The following CLCN6 variants were observed in gnomAD, a reference collection of about 807,000 sequenced individuals.
The protein encoded by CLCN6 is H(+)/Cl(-) exchange transporter 6.
In CLCN6, 70 loss-of-function variants were observed where a neutral mutation model predicts 109.8. The observed-to-expected ratio is 0.64, with a 90% confidence interval of 0.53 to 0.78. The LOEUF is 0.78. CLCN6 is among the 30% of genes least tolerant of loss of function. The pLI, the probability that CLCN6 is intolerant of heterozygous loss-of-function variation, is 0.00. For missense variants in CLCN6, 984 were observed against 1,142.3 expected (o/e 0.86, Z 2.00); for synonymous variants, 444 against 447.8 (o/e 0.99, Z 0.11).
At chr1:11,835,659 G>C (rs1644934782) in intron 17 of CLCN6, among the ~76,000 whole-genome samples, 1 of 152,228 alleles carries the variant, frequency 6.6e-6, no homozygotes, top group African/African-American at 2.4e-5. Flanking sequence ...GGGCACCGAG[G>C]AGGGCGTGGC....
chr1:11,806,357 G>A lies in CLCN6; in HGVS notation c.87+8G>A, dbSNP rs924947918. On this transcript the variant is annotated splice_region_variant and intron_variant, in intron 1 of 22. Coordinates refer to ENST00000346436, the MANE Select transcript of CLCN6 (RefSeq NM_001286.5). ...CGCACCCCCGAGGAGCTGGTAAGAAGCCGGCGGAGTCGGCCTGGGGAGGGG... is the reference window on the plus strand; with the variant it reads ...CGCACCCCCGAGGAGCTGGTAAGAAACCGGCGGAGTCGGCCTGGGGAGGGG... 13 of 1,512,884 alleles carry A rather than the reference G, an allele frequency of 8.6e-6. No individual in the cohort carries two copies. The highest frequency in any genetic ancestry group is 1.5e-5 in the African/African-American group (1 of 68,160). The allele number at this position is 1,512,884 out of a possible 1,614,324, so 93.7% of individuals were successfully genotyped here.
rs1215462944 is a variant in CLCN6 at position 11,823,490 on chromosome 1, G to A, written c.454-217G>A. On this transcript the variant is annotated intron_variant, in intron 6 of 22. Transcript: ENST00000346436. Reference sequence around the variant, plus strand: ...GAAACTCTACCTCAAAAAAAAAAAAGAAAAAAAAGTGCAAGTCCTCCCATT... The same window carrying A: ...GAAACTCTACCTCAAAAAAAAAAAAAAAAAAAAAGTGCAAGTCCTCCCATT... Among the ~76,000 whole-genome samples, 69 of 144,598 alleles carry A rather than the reference G, an allele frequency of 4.8e-4. 3 individuals carry two copies. The highest frequency in any genetic ancestry group is 1.2e-3 in the African/African-American group (46 of 38,310). 94.9% of individuals were successfully genotyped at this position (144,598 alleles called of 152,430 possible). A position where few individuals can be genotyped will look rare whatever the true frequency, so the allele number is the denominator to read the frequency against.
rs1263588021 is a variant in CLCN6, at chr1:11,841,979, T to C, written c.*1756T>C. On this transcript the variant is annotated 3_prime_UTR_variant, in exon 23 of 23. Coordinates refer to ENST00000346436, the MANE Select transcript of CLCN6 (RefSeq NM_001286.5). ...ACAAGGACCAAAAAGGCAATTCTTATTTAAATGTTACTATTTGGCCAGCTG... is the reference window on the plus strand; with the variant it reads ...ACAAGGACCAAAAAGGCAATTCTTACTTAAATGTTACTATTTGGCCAGCTG... 2.0e-5 allele frequency: 3 copies of C among 152,382 alleles called. No individual in the cohort carries two copies. Among genetic ancestry groups the C allele is most frequent in the South Asian group, 2.1e-4 (1 of 4,830 alleles). The allele number at this position is 152,382 out of a possible 1,614,324, so 9.4% of individuals were successfully genotyped here.
At position 11,829,520 on chromosome 1, in the gene CLCN6, C is replaced by T. The variant is rs547544215; in HGVS notation, c.1248+198C>T. Among the ~76,000 whole-genome samples, 32 of 152,282 alleles carry T rather than the reference C, an allele frequency of 2.1e-4. No individual in the cohort carries two copies. In the South Asian group the frequency reaches 6.2e-3, roughly 30 times the overall value. On this transcript the variant is annotated intron_variant, in intron 13 of 22. Transcript: ENST00000346436. The stretch of plus-strand genomic sequence containing the variant: ...GCACACCACATGCCCTGTGTCTTTG[C>T]CACTTCTGTGAACAACCCTGGCGTC...
chr1:11,835,631 T>G (rs893586693), intron 17 of CLCN6, among the ~76,000 whole-genome samples: 7 of 152,018 alleles, frequency 4.6e-5, no homozygotes, highest in African/African-American at 1.7e-4. Flanking sequence ...TCAGGGGTAG[T>G]ATGTGGAGCG....
chr1:11,838,865 C>A, intron 22 of CLCN6: 2 of 762,700 alleles, frequency 2.6e-6, no homozygotes, highest in Non-Finnish European at 2.4e-6. Flanking sequence ...CAGCGTCCCA[C>A]TGGCCGTCCT....
chr1:11,829,528 G>A (rs903260391), intron 13 of CLCN6, among the ~76,000 whole-genome samples: 9 of 152,130 alleles, frequency 5.9e-5, no homozygotes, highest in Non-Finnish European at 1.2e-4. Flanking sequence ...TGCCACTTCT[G>A]TGAACAACCC....
intron 8 of CLCN6, among the ~76,000 whole-genome samples, chr1:11,824,829 A>G (rs937238526): frequency 6.6e-6 from 1 of 152,150 alleles, no homozygotes; most frequent in African/African-American, 2.4e-5. Context: ...AGCCATCACC[A>G]GGCGCCTCTA....
rs1303812021 is a variant in CLCN6, at chr1:11,842,738, T to G, written c.*2515T>G. On this transcript the variant is annotated 3_prime_UTR_variant, in exon 23 of 23. Coordinates refer to ENST00000346436, the MANE Select transcript of CLCN6 (RefSeq NM_001286.5). The stretch of plus-strand genomic sequence containing the variant: ...GGCTTTGGGACCTTGTGCTGAGGGA[T>G]GATTTGCTCCTGACCTTGATTAACT... The G allele has an allele frequency of 6.6e-6, 1 of 152,284 alleles. No homozygotes were observed. The highest frequency in any genetic ancestry group is 1.5e-5 in the Non-Finnish European group (1 of 68,060). The allele number at this position is 152,284 out of a possible 1,614,324, so 9.4% of individuals were successfully genotyped here.
intron 2 of CLCN6, among the ~76,000 whole-genome samples, chr1:11,812,086 G>A (rs1644605831): frequency 6.6e-6 from 1 of 151,918 alleles, no homozygotes; most frequent in African/African-American, 2.4e-5. Context: ...TGCACTCCAT[G>A]CTGGGTGACA....
Position 11,828,352 on chromosome 1 carries a change from C to T in CLCN6, c.955-106C>T, listed in dbSNP as rs1478331870. On this transcript the variant is annotated intron_variant, in intron 11 of 22. Coordinates refer to ENST00000346436, the MANE Select transcript of CLCN6 (RefSeq NM_001286.5). ...ACACATCTCACCCATTAGCCTCTGCCGTGCGGGAAAGCAGCCCCACTCTTG... is the reference window on the plus strand; with the variant it reads ...ACACATCTCACCCATTAGCCTCTGCTGTGCGGGAAAGCAGCCCCACTCTTG... 8.1e-6 allele frequency: 12 copies of T among 1,476,114 alleles called. No individual in the cohort carries two copies. The African/African-American group carries it at 9.7e-5, about 12-fold the overall frequency. The allele number at this position is 1,476,114 out of a possible 1,614,324, so 91.4% of individuals were successfully genotyped here.
chr1:11,839,328 C>G (rs1298304862), intron 22 of CLCN6, among the ~76,000 whole-genome samples: 1 of 152,210 alleles, frequency 6.6e-6, no homozygotes, highest in Non-Finnish European at 1.5e-5. Flanking sequence ...GTGGCAAGAT[C>G]TCGGCTCACT....
In CLCN6 at chr1:11,836,135, C is replaced by T; in HGVS notation, c.1962C>T (p.Ser654=). 6.2e-6 allele frequency: 10 copies of T among 1,612,742 alleles called. No individual in the cohort carries two copies. Among genetic ancestry groups the T allele is most frequent in the Non-Finnish European group, 8.5e-6 (10 of 1,179,628 alleles). The change falls in exon 18 of 23, where the codon AGC becomes AGT. Residue 654 remains serine, a synonymous_variant. Coordinates refer to ENST00000346436, the MANE Select transcript of CLCN6 (RefSeq NM_001286.5). ...TCATGAAGGGCAACCAGCTCATCAG[C>T]AACAACATCAAGTTCAAGGTAAAGA... ...KEFMKGNQLI[S]NNIKFKKSSI...
rs181731849 is a variant in CLCN6, at chr1:11,835,737, C to T, written c.1794-230C>T. On this transcript the variant is annotated intron_variant, in intron 17 of 22. Transcript: ENST00000346436. ...TTGCTGTTGAGCTGAGGGATGAGCC[C>T]GAGCCCATCAGCCTGGTACAGCAGG... is the stretch of plus-strand genomic sequence containing the variant. 4.2e-3 allele frequency among the ~76,000 whole-genome samples: 643 copies of T among 152,262 alleles called. 5 individuals carry two copies. Among genetic ancestry groups the T allele is most frequent in the African/African-American group, 0.014 (598 of 41,552 alleles).
In CLCN6 at chr1:11,833,631, C is replaced by G. The variant is rs777313708; in HGVS notation, c.1365C>G (p.His455Gln). 1.2e-6 allele frequency: 2 copies of G among 1,613,648 alleles called. No individual in the cohort carries two copies. Among genetic ancestry groups the G allele is most frequent in the South Asian group, 1.1e-5 (1 of 91,084 alleles). The change falls in exon 14 of 23, where the codon CAC becomes CAG. Residue 455 changes from histidine (H) to glutamine (Q), a missense_variant. Transcript: ENST00000346436. ...PQESAILQLF[H>Q]QDGTFSPVTL... ...AGTCTGCCATCCTCCAGCTCTTCCACCAGGATGGTGAGTGTCTGCACTGCA... is the reference window on the plus strand; with the variant it reads ...AGTCTGCCATCCTCCAGCTCTTCCAGCAGGATGGTGAGTGTCTGCACTGCA...
chr1:11,836,986 T>C lies in CLCN6; in HGVS notation c.1981-13T>C, dbSNP rs1385052504. 6.2e-7 allele frequency: 1 copy of C among 1,606,470 alleles called. No homozygotes were observed. The highest frequency in any genetic ancestry group is 1.7e-5 in the Admixed American group (1 of 60,022). On this transcript the variant is annotated splice_polypyrimidine_tract_variant and intron_variant, in intron 18 of 22. Transcript: ENST00000346436. ...TGCCCATGCGCAGTAGCCTGTGGCC[T>C]CCCCACCCACAGAAATCCAGCATCC...
chr1:11,815,516 C>T (rs772920058), intron 2 of CLCN6, among the ~76,000 whole-genome samples: 4 of 152,206 alleles, frequency 2.6e-5, no homozygotes, highest in Non-Finnish European at 5.9e-5. Flanking sequence ...CTGCCTCAGC[C>T]TCCAAAGTAG....
At chr1:11,830,481 A>G (rs1644865104) in intron 13 of CLCN6, among the ~76,000 whole-genome samples, 1 of 152,146 alleles carries the variant, frequency 6.6e-6, no homozygotes. Context: ...ATTATAAATA[A>G]TCTAGAGATG....
chr1:11,840,091 C>T, intron 22 of CLCN6, 52 bp from the exon 23 acceptor site: 1 of 1,483,166 alleles, frequency 6.7e-7, no homozygotes, highest in Non-Finnish European at 9.4e-7. Context: ...CACTCCTGTT[C>T]TCGCCAGCGG....
Sources: allele counts gnomAD v4.1 joint callset (sites outside exome capture counted in the v4.1 genomes callset), GRCh38; gene constraint gnomAD v4.1.1; transcripts MANE v1.5; gene names NCBI Gene and HGNC (gene_info 2026-07-23, HGNC 2026-07-21).